The following SET variants were observed in gnomAD, a reference collection of about 807,000 sequenced individuals.
SET encodes the protein protein SET.
In SET, 4 loss-of-function variants were observed where a neutral mutation model predicts 39.0. That is an observed-to-expected ratio of 0.10 (90% CI 0.05 to 0.23). The LOEUF is 0.23. SET is among the 10% of genes least tolerant of loss of function. SET has a pLI of 1.00. For synonymous variants in SET, 114 were observed against 115.9 expected, an observed-to-expected ratio of 0.98 and a Z score of 0.11; for missense variants, 137 against 329.7, an observed-to-expected ratio of 0.42 and a Z score of 4.53.
At chr9:128,694,497 TCA>T (rs1861658729) in intron 7 of SET, 142 bp from the exon 8 acceptor site, 1 of 550,066 alleles carries the variant, frequency 1.8e-6, no homozygotes. Context: ...AGCAACATCA[TCA>T]CGGGTGTTTC....
exon 1 of SET, chr9:128,683,853 G>A: frequency 2.7e-6 from 4 of 1,502,750 alleles, no homozygotes; most frequent in South Asian, 1.2e-5. Context: ...CTTCCGGACG[G>A]GCGAGGAGAC....
chr9:128,684,502 C>T (rs975171082), upstream of SET, among the ~76,000 whole-genome samples: 1 of 152,114 alleles, frequency 6.6e-6, no homozygotes, highest in Non-Finnish European at 1.5e-5. Flanking sequence ...CTGAGCATAG[C>T]CAATCACGTG....
chr9:128,692,774 C>T lies in SET; in HGVS notation c.378+9C>T. ...GTTACAGAATAGATTTTGTAAGTAT[C>T]TCTAACTTAATCTTGTTTGCCACTG... On this transcript the variant is annotated intron_variant, in intron 4 of 7. Transcript: ENST00000322030. 6.3e-7 allele frequency: 1 copy of T among 1,575,470 alleles called. No individual in the cohort carries two copies. The highest frequency in any genetic ancestry group is 8.7e-7 in the Non-Finnish European group (1 of 1,144,876).
At chr9:128,692,330 G>C (rs1195022074) in intron 3 of SET, 1 of 271,802 alleles carries the variant, frequency 3.7e-6, no homozygotes, top group Non-Finnish European at 6.9e-6. Context: ...CCAGGAGGGG[G>C]AGGTTGCAGT....
In SET at chr9:128,689,527, C is replaced by A. The variant is rs1861420490; in HGVS notation, c.-56C>A. 1.1e-6 allele frequency: 1 copy of A among 896,812 alleles called. No homozygotes were observed. Among genetic ancestry groups the A allele is most frequent in the South Asian group, 2.2e-5 (1 of 45,676 alleles). The allele number at this position is 896,812 out of a possible 1,614,324, so 55.6% of individuals were successfully genotyped here. On this transcript the variant is annotated 5_prime_UTR_variant, in exon 1 of 8. Transcript: ENST00000322030. ...TGAGGGGAAGCCGCTTGCCCGCCCC[C>A]TTCGCCTTCCCTTCTCTCCCCCTCC...
chr9:128,691,784 C>T, intron 2 of SET, 74 bp from the exon 3 acceptor site: 3 of 1,406,358 alleles, frequency 2.1e-6, no homozygotes, highest in Non-Finnish European at 2.9e-6. Context: ...TAAGTAAATA[C>T]ACTCTGTAAT....
At chr9:128,687,987 T>C (rs1383625161), upstream of SET, among the ~76,000 whole-genome samples, 1 of 152,094 alleles carries the variant, frequency 6.6e-6, no homozygotes, top group Non-Finnish European at 1.5e-5. Flanking sequence ...GAGGACGAGG[T>C]GAGTGGATCA....
exon 1 of SET, chr9:128,683,966 C>T (rs914936171): frequency 2.0e-5 from 31 of 1,556,998 alleles, no homozygotes; most frequent in African/African-American, 2.7e-5. Context: ...GCTCTGGGAC[C>T]GGAGGAGACA....
chr9:128,694,754 T>TC lies in SET; in HGVS notation c.*90_*91insC. 4 of 728,826 alleles carry TC rather than the reference T, an allele frequency of 5.5e-6. No homozygotes were observed. Among genetic ancestry groups the TC allele is most frequent in the Non-Finnish European group, 6.6e-6 (3 of 455,322 alleles). 45.1% of individuals were successfully genotyped at this position (728,826 alleles called of 1,614,324 possible). ...GCAGTCTTTTTTTTTTTTTTTTTTTTTTTTCCCTCTTGTGCTCAGTCGCCC... is the reference window on the plus strand; with the variant it reads ...GCAGTCTTTTTTTTTTTTTTTTTTTTCTTTTCCCTCTTGTGCTCAGTCGCCC... On this transcript the variant is annotated 3_prime_UTR_variant, in exon 8 of 8. Coordinates refer to ENST00000322030, the MANE Select transcript of SET (RefSeq NM_003011.4).
chr9:128,687,316 C>T (rs1328278812), upstream of SET, among the ~76,000 whole-genome samples: 1 of 150,534 alleles, frequency 6.6e-6, no homozygotes, highest in East Asian at 2.0e-4. Flanking sequence ...GCTTTAAGAG[C>T]TGATAGTGGG....
intron 1 of SET, chr9:128,689,924 CCCCTCCCTCGCTCTCCTCCCCCTCCCT>C: frequency 6.6e-6 from 1 of 152,150 alleles, no homozygotes. Flanking sequence ...CTTCCTCTCC[CCCCTCCCTCGCTCTCCTCCCCCTCCCT>C]CCCTCCCGAG....
In SET at chr9:128,689,609, TA is replaced by T. The variant is rs1382073992; in HGVS notation, c.32del (p.Lys11ArgfsTer32). 7.3e-7 allele frequency: 1 copy of T among 1,361,498 alleles called. No homozygotes were observed. Among genetic ancestry groups the T allele is most frequent in the Non-Finnish European group, 9.6e-7 (1 of 1,037,804 alleles). 84.3% of individuals were successfully genotyped at this position (1,361,498 alleles called of 1,614,324 possible). A position where few individuals can be genotyped will look rare whatever the true frequency, so the allele number is the denominator to read the frequency against. On this transcript the variant is annotated frameshift_variant, in exon 1 of 8. Coordinates refer to ENST00000322030, the MANE Select transcript of SET (RefSeq NM_003011.4). LOFTEE classifies it high-confidence loss of function. ...TGTCGGCGCCGGCGGCCAAAGTCAG[TA>T]AAAAGGAGCTCAACTCCAACCACGA... MSAPAAKVS[K>X]KELNSNHDGA...
At chr9:128,685,108 C>T (rs1206180405), upstream of SET, 1 of 1,554,020 alleles carries the variant, frequency 6.4e-7, no homozygotes, top group African/African-American at 1.4e-5. Flanking sequence ...GGAGTCCTAC[C>T]TCAGGGCTCA....
intron 1 of SET, chr9:128,690,358 CA>C (rs1017569130): frequency 1.3e-5 from 2 of 152,582 alleles, no homozygotes; most frequent in African/African-American, 4.8e-5. Context: ...AGGCTCTCGG[CA>C]GGGGGGCTGC....
chr9:128,684,022 TAA>T (rs755125117), intron 1 of SET: 122 of 1,519,594 alleles, frequency 8.0e-5, no homozygotes, highest in East Asian at 2.5e-5. Context: ...GTTTCTGCGC[TAA>T]GTTTTATTGG....
chr9:128,689,714 C>T, intron 1 of SET, 59 bp downstream of exon 1: 1 of 386,126 alleles, frequency 2.6e-6, no homozygotes, highest in Admixed American at 6.6e-5. Flanking sequence ...CCGCCCCGGC[C>T]CGCAGGCCGC....
At chr9:128,684,348 G>A (rs1244724360), upstream of SET, among the ~76,000 whole-genome samples, 1 of 152,074 alleles carries the variant, frequency 6.6e-6, no homozygotes, top group Admixed American at 6.6e-5. Flanking sequence ...CCAAATCCCC[G>A]ATTCCTGGTG....
At chr9:128,693,371 A>AG (rs372645712) in intron 5 of SET, among the ~76,000 whole-genome samples, 15 of 152,348 alleles carry the variant, frequency 9.8e-5, no homozygotes, top group African/African-American at 3.4e-4. Flanking sequence ...ATCCGTATTT[A>AG]GGTAGTAAGA....
At chr9:128,685,182 C>T, upstream of SET, 1 of 1,599,552 alleles carries the variant, frequency 6.3e-7, no homozygotes. Flanking sequence ...GATGCAGAGA[C>T]CTCCTGCCCA....
Sources: gnomAD v4.1 joint callset for allele counts (sites outside exome capture counted in the v4.1 genomes callset) on GRCh38, gnomAD v4.1.1 for gene constraint, MANE v1.5 for transcripts, NCBI Gene and HGNC (gene_info 2026-07-23, HGNC 2026-07-21) for gene names.